PTPRF: variants seen among roughly 807,000 people sequenced by gnomAD.
PTPRF encodes the protein protein tyrosine phosphatase receptor type F, also known as receptor-type tyrosine-protein phosphatase F.
A neutral mutation model predicts 201.8 loss-of-function variants in PTPRF; 59 were observed. The observed-to-expected ratio is 0.29, with a 90% CI of 0.24 to 0.36. The LOEUF (loss-of-function observed/expected upper bound fraction) is 0.36, where lower values mean the gene tolerates loss of function less well. Among genes scored for constraint, PTPRF ranks in the 10% least tolerant of loss-of-function variants. The pLI is 1.00. For missense variants in PTPRF, 2,132 were observed against 2,690.5 expected, an observed-to-expected ratio of 0.79 and a Z score of 4.59; for synonymous variants, 1,088 against 1,089.7, an observed-to-expected ratio of 1.00 and a Z score of 0.03.
At chr1:43,541,523 TG>T (rs1251708397) in intron 2 of PTPRF, among the ~76,000 whole-genome samples, 1 of 152,218 alleles carries the variant, frequency 6.6e-6, no homozygotes, top group African/African-American at 2.4e-5. Context: ...CCAGGCTCTT[TG>T]GTTTCACGAA....
In PTPRF at chr1:43,606,873, G is replaced by C. The variant is rs747982551; in HGVS notation, c.3762G>C (p.Gln1254His). Reference protein sequence around the residue: ...DEIVVQVTPAQQQEEPEMLWV... With the variant: ...DEIVVQVTPAHQQEEPEMLWV... ...TCGTGGTCCAGGTGACACCAGCCCA[G>C]CAGCAGGAGGAGCCGGAGATGCTGT... Residue 1254 changes from glutamine to histidine, a missense_variant, in exon 21 of 34, where the codon CAG becomes CAC. Gln to His is a conservative substitution (Grantham distance 24). Coordinates refer to ENST00000359947, the MANE Select transcript of PTPRF (RefSeq NM_002840.5). 14 of 1,614,058 alleles carry C rather than the reference G, an allele frequency of 8.7e-6. 1 individual carries two copies. In the South Asian group the frequency reaches 1.5e-4, roughly 18 times the overall value.
rs1401725517 is a variant in PTPRF, at chr1:43,613,693, T to G, written c.4049T>G (p.Leu1350Arg). ...GAGCGCCTCAAAGCCAACGATGGCCTCAAGTTCTCCCAGGAGTATGAGGTG... is the reference window on the plus strand; with the variant it reads ...GAGCGCCTCAAAGCCAACGATGGCCGCAAGTTCTCCCAGGAGTATGAGGTG... ...NIERLKANDG[L>R]KFSQEYESID... Residue 1350 changes from leucine (L) to arginine (R), a missense_variant, in exon 23 of 34, where the codon CTC becomes CGC. Leu to Arg is a moderately radical substitution (Grantham distance 102). Coordinates refer to ENST00000359947, the MANE Select transcript of PTPRF (RefSeq NM_002840.5). 6.2e-7 allele frequency: 1 copy of G among 1,614,100 alleles called. No homozygotes were observed. The highest frequency in any genetic ancestry group is 8.5e-7 in the Non-Finnish European group (1 of 1,179,956).
In PTPRF at chr1:43,542,261, G is replaced by A. The variant is rs1291086382; in HGVS notation, c.-45-2770G>A. On this transcript the variant is annotated intron_variant, in intron 2 of 33. Transcript: ENST00000359947. This position sits in a 1 kb window ranked among gnomAD's most constrained non-coding sequence, Gnocchi z 5.2. The stretch of plus-strand genomic sequence containing the variant: ...TCAGGGCGGGAGGCAGCTTGCTCTC[G>A]CCAGGAGCTGGTGAGGGAGAGGCCC... Among the ~76,000 whole-genome samples, 2 of 152,198 alleles carry A rather than the reference G, an allele frequency of 1.3e-5. No individual in the cohort carries two copies. The highest frequency in any genetic ancestry group is 4.8e-5 in the African/African-American group (2 of 41,442).
chr1:43,567,573 G>A (rs757520829), intron 5 of PTPRF, among the ~76,000 whole-genome samples: 1 of 152,126 alleles, frequency 6.6e-6, no homozygotes, highest in Non-Finnish European at 1.5e-5. Context: ...CAGTCCCTTT[G>A]GGATGTCCCT....
intron 1 of PTPRF, among the ~76,000 whole-genome samples, chr1:43,536,349 C>T (rs2153953558): frequency 6.6e-6 from 1 of 152,332 alleles, no homozygotes; most frequent in South Asian, 2.1e-4. Context: ...GGATCCTGCC[C>T]TCATGCTGTT....
rs1653582075 is a variant in PTPRF at position 43,600,853 on chromosome 1, C to G, written c.2314-1218C>G. 2.6e-5 allele frequency among the ~76,000 whole-genome samples: 4 copies of G among 152,190 alleles called. No homozygotes were observed. In the South Asian group the frequency reaches 8.3e-4, roughly 32 times the overall value. The stretch of plus-strand genomic sequence containing the variant: ...TTCCTCTGACCCCTTTCCTTCATCT[C>G]CATTTGGTTTCATCCTCCGTCCTTC... On this transcript the variant is annotated intron_variant, in intron 13 of 33. Coordinates refer to ENST00000359947, the MANE Select transcript of PTPRF (RefSeq NM_002840.5).
rs766810518 is a variant in PTPRF at position 43,591,402 on chromosome 1, C to T, written c.1380C>T (p.Asn460=). The change falls in exon 9 of 34, where the codon AAC becomes AAT. Residue 460 remains asparagine, a synonymous_variant. Transcript: ENST00000359947. ...YYTPDSRRPP[N]AWHKHNTDAG... ...CTCCGGACTCCCGCCGCCCCCCGAA[C>T]GCCTGGCACAAGCACAACACCGACG... 25 of 1,569,044 alleles carry T rather than the reference C, an allele frequency of 1.6e-5. No individual in the cohort carries two copies. The East Asian group carries it at 4.2e-4, about 27-fold the overall frequency.
chr1:43,561,026 G>A (rs879415699), intron 5 of PTPRF, among the ~76,000 whole-genome samples: 6 of 152,166 alleles, frequency 3.9e-5, no homozygotes, highest in Non-Finnish European at 7.4e-5. Context: ...CCAGGGTGGG[G>A]GCTAATCAGT....
intron 7 of PTPRF, among the ~76,000 whole-genome samples, chr1:43,585,522 A>G (rs551388491): frequency 5.9e-5 from 9 of 152,106 alleles, no homozygotes; most frequent in Non-Finnish European, 1.3e-4. Flanking sequence ...AGGTGACCCT[A>G]AAGGCCACTG....
chr1:43,609,837 C>T (rs187457683), intron 22 of PTPRF, among the ~76,000 whole-genome samples: 118 of 152,330 alleles, frequency 7.7e-4, no homozygotes, highest in African/African-American at 2.5e-3. Context: ...GTCTGGCGCA[C>T]GCTCTGACGC....
At chr1:43,531,657 G>T (rs1643542872) in intron 1 of PTPRF, among the ~76,000 whole-genome samples, 1 of 150,978 alleles carries the variant, frequency 6.6e-6, no homozygotes, top group Non-Finnish European at 1.5e-5. Context: ...TGCGCCGGGC[G>T]CGAGTTTGAA....
chr1:43,567,627 A>G (rs977135494), intron 5 of PTPRF, among the ~76,000 whole-genome samples: 6 of 152,190 alleles, frequency 3.9e-5, no homozygotes, highest in Admixed American at 6.5e-5. Context: ...CTGGCAGCAG[A>G]TAGATAGGTA....
At chr1:43,608,978 G>A (rs1655810104) in intron 21 of PTPRF, among the ~76,000 whole-genome samples, 1 of 152,122 alleles carries the variant, frequency 6.6e-6, no homozygotes. Context: ...AAAAGCTGGG[G>A]CCCTGTCTCC....
intron 33 of PTPRF, 69 bp downstream of exon 33, chr1:43,621,301 A>C: frequency 6.4e-7 from 1 of 1,573,490 alleles, no homozygotes; most frequent in East Asian, 2.3e-5. Flanking sequence ...GGCTTTAGCA[A>C]CAGTTTGATG....
intron 5 of PTPRF, among the ~76,000 whole-genome samples, chr1:43,557,495 G>A (rs978612696): frequency 2.0e-5 from 3 of 152,206 alleles, no homozygotes; most frequent in Middle Eastern, 3.2e-3. Flanking sequence ...TTAACTGGGC[G>A]TGGTGGCGCA....
chr1:43,534,074 A>T (rs959769926), intron 1 of PTPRF, among the ~76,000 whole-genome samples: 8 of 152,112 alleles, frequency 5.3e-5, no homozygotes, highest in African/African-American at 1.9e-4. Context: ...GACCAAGAAG[A>T]AGTGATGTGA....
intron 7 of PTPRF, among the ~76,000 whole-genome samples, chr1:43,587,911 T>C (rs1649573552): frequency 6.6e-6 from 1 of 152,172 alleles, no homozygotes; most frequent in Non-Finnish European, 1.5e-5. Context: ...GAACAGCTTC[T>C]GGTCAGGGGA....
At chr1:43,523,493 G>A (rs1454740420), upstream of PTPRF, among the ~76,000 whole-genome samples, 1 of 152,142 alleles carries the variant, frequency 6.6e-6, no homozygotes, top group Non-Finnish European at 1.5e-5. Context: ...AGAAGACCAA[G>A]GAGTTAAGAG....
chr1:43,609,247 A>C, intron 21 of PTPRF, 136 bp from the exon 22 acceptor site: 1 of 678,564 alleles, frequency 1.5e-6, no homozygotes. Context: ...CTCCGCGCTC[A>C]GAGATCCTGG....
Sources: gnomAD v4.1 joint callset for allele counts (sites outside exome capture counted in the v4.1 genomes callset) on GRCh38, gnomAD v4.1.1 for gene constraint, Gnocchi (gnomAD v3.1) non-coding constraint, MANE v1.5 for transcripts, NCBI Gene and HGNC (gene_info 2026-07-23, HGNC 2026-07-21) for gene names.